Variants in DIPK1A observed in about 807,000 individuals in gnomAD.
The protein encoded by DIPK1A is family with sequence similarity 69 member A.
DIPK1A carries 27 observed loss-of-function variants against 40.8 expected under a neutral mutation model. That is an observed-to-expected ratio of 0.66 (90% CI 0.49 to 0.91). DIPK1A has a LOEUF of 0.91. Ranked by LOEUF, DIPK1A falls within the 40% of genes least tolerant of loss-of-function variation. The pLI is 0.00. For missense variants in DIPK1A, 412 were observed against 505.7 expected (o/e 0.81, Z 1.78); for synonymous variants, 166 against 171.3 (o/e 0.97, Z 0.24).
At chr1:92,885,138 G>A (rs1648538486) in intron 1 of DIPK1A, among the ~76,000 whole-genome samples, 1 of 152,104 alleles carries the variant, frequency 6.6e-6, no homozygotes, top group East Asian at 1.9e-4. Context: ...ACCAGGGAGG[G>A]GTGGAAGAGG....
intron 2 of DIPK1A, among the ~76,000 whole-genome samples, chr1:92,862,140 T>C (rs1382474319): frequency 6.6e-6 from 1 of 152,112 alleles, no homozygotes; most frequent in Non-Finnish European, 1.5e-5. Flanking sequence ...CTGTATACCA[T>C]CATCAGTGAC....
chr1:92,890,346 T>C (rs1648806197), intron 1 of DIPK1A, among the ~76,000 whole-genome samples: 1 of 152,202 alleles, frequency 6.6e-6, no homozygotes, highest in Non-Finnish European at 1.5e-5. Flanking sequence ...GGACTTCCAG[T>C]ACTATGTTGA....
At chr1:92,889,958 A>AT (rs926343029) in intron 1 of DIPK1A, among the ~76,000 whole-genome samples, 3 of 151,846 alleles carry the variant, frequency 2.0e-5, no homozygotes, top group African/African-American at 7.3e-5. Flanking sequence ...CTGTCTTTCC[A>AT]TTTTTTTGTG....
chr1:92,948,188 T>C (rs1651446673), intron 1 of DIPK1A, among the ~76,000 whole-genome samples: 1 of 152,064 alleles, frequency 6.6e-6, no homozygotes, highest in Non-Finnish European at 1.5e-5. Context: ...TTTGGCAGTA[T>C]AAAAGTAAAA....
intron 1 of DIPK1A, among the ~76,000 whole-genome samples, chr1:92,897,388 A>G (rs1649217041): frequency 6.6e-6 from 1 of 152,060 alleles, no homozygotes; most frequent in African/African-American, 2.4e-5. Context: ...CATCATTCTC[A>G]GCAAACTATC....
chr1:92,879,990 A>G, intron 1 of DIPK1A, among the ~76,000 whole-genome samples: 1 of 152,248 alleles, frequency 6.6e-6, no homozygotes, highest in Non-Finnish European at 1.5e-5. Context: ...TTGTAAATAC[A>G]CTATGGCAGT....
At chr1:92,850,207 T>C (rs946205577) in intron 3 of DIPK1A, among the ~76,000 whole-genome samples, 3 of 151,594 alleles carry the variant, frequency 2.0e-5, no homozygotes, top group African/African-American at 7.3e-5. Flanking sequence ...TGGGCGCAAG[T>C]GGTCCTCCCA....
intron 1 of DIPK1A, chr1:92,876,937 T>G (rs1215047016): frequency 2.1e-6 from 2 of 970,970 alleles, no homozygotes; most frequent in Non-Finnish European, 2.4e-6. Context: ...TCTACAGTCA[T>G]TTCTATTTCC....
At chr1:92,893,885 A>G (rs1649032509) in intron 1 of DIPK1A, among the ~76,000 whole-genome samples, 4 of 151,388 alleles carry the variant, frequency 2.6e-5, no homozygotes, top group Admixed American at 2.6e-4. Flanking sequence ...TTAAACCAAC[A>G]AAGATCAAAA....
At chr1:92,897,049 T>C (rs1649203991) in intron 1 of DIPK1A, among the ~76,000 whole-genome samples, 1 of 151,806 alleles carries the variant, frequency 6.6e-6, no homozygotes, top group South Asian at 2.1e-4. Flanking sequence ...ACTTTTACAC[T>C]GTTGGTGGGA....
At chr1:92,836,198 T>C (rs767688347) in intron 4 of DIPK1A, 3 of 1,612,300 alleles carry the variant, frequency 1.9e-6, no homozygotes, top group South Asian at 2.2e-5. Context: ...AGCTTCTCAA[T>C]AGGTTTGGCA....
intron 2 of DIPK1A, among the ~76,000 whole-genome samples, chr1:92,856,056 G>A (rs1299569448): frequency 6.6e-6 from 1 of 152,054 alleles, no homozygotes; most frequent in Non-Finnish European, 1.5e-5. Context: ...CAGCCTGAGT[G>A]ACAGAGTGAG....
chr1:92,877,927 G>A (rs188509048), intron 1 of DIPK1A, among the ~76,000 whole-genome samples: 42 of 152,308 alleles, frequency 2.8e-4, no homozygotes, highest in African/African-American at 7.5e-4. Flanking sequence ...TGCTGGGCAC[G>A]TAGTAAGTAT....
At chr1:92,958,080 G>A (rs1032031605) in intron 1 of DIPK1A, among the ~76,000 whole-genome samples, 5 of 152,136 alleles carry the variant, frequency 3.3e-5, no homozygotes, top group African/African-American at 1.2e-4. Context: ...ATAATATTCT[G>A]TTGTATGCAT....
At chr1:92,935,235 C>T (rs1571139353) in intron 1 of DIPK1A, among the ~76,000 whole-genome samples, 1 of 152,186 alleles carries the variant, frequency 6.6e-6, no homozygotes, top group Non-Finnish European at 1.5e-5. Flanking sequence ...CTAAAAAGAA[C>T]GTGTTGCTCA....
At chr1:92,840,401 T>C (rs1350294492), downstream of DIPK1A, 4 of 666,452 alleles carry the variant, frequency 6.0e-6, no homozygotes, top group African/African-American at 1.8e-5. Flanking sequence ...AAAGGTGAGT[T>C]ACATTTAGAA....
intron 1 of DIPK1A, among the ~76,000 whole-genome samples, chr1:92,914,966 T>C (rs1479432488): frequency 6.6e-6 from 1 of 150,856 alleles, no homozygotes; most frequent in South Asian, 2.1e-4. Flanking sequence ...TGCACACCTA[T>C]AATCCCAGCT....
At chr1:92,845,683 T>C (rs1221268313) in intron 4 of DIPK1A, among the ~76,000 whole-genome samples, 2 of 150,676 alleles carry the variant, frequency 1.3e-5, no homozygotes, top group African/African-American at 4.9e-5. Context: ...CTACTAAAAA[T>C]ACAAAAATTA....
chr1:92,881,095 C>G (rs1557467254), intron 1 of DIPK1A, among the ~76,000 whole-genome samples: 1 of 147,440 alleles, frequency 6.8e-6, no homozygotes, highest in Non-Finnish European at 1.5e-5. Context: ...ATCGCTTGAA[C>G]CCGGGAGGTG....
Sources: gnomAD v4.1 joint callset for allele counts (sites outside exome capture counted in the v4.1 genomes callset) on GRCh38, gnomAD v4.1.1 for gene constraint, MANE v1.5 for transcripts, NCBI Gene and HGNC (gene_info 2026-07-23, HGNC 2026-07-21) for gene names.